FSTL5: variants seen among roughly 807,000 people sequenced by gnomAD.
FSTL5 encodes follistatin-related protein 5.
Under a neutral mutation model 89.1 loss-of-function variants are expected in FSTL5, and 62 were observed. The observed-to-expected ratio is 0.70, with a 90% CI of 0.57 to 0.86. The LOEUF is 0.86. FSTL5 is among the 40% of genes least tolerant of loss of function. The probability of loss-of-function intolerance (pLI) is 0.00; values close to 1 mark genes in which losing one functional copy is unlikely to be tolerated. For synonymous variants in FSTL5, 383 were observed against 346.2 expected (o/e 1.11, Z -1.18); for missense variants, 1,057 against 1,001.6 (o/e 1.06, Z -0.75).
chr4:161,647,634 CATATT>C (rs1182282955), intron 7 of FSTL5, among the ~76,000 whole-genome samples: 2 of 151,800 alleles, frequency 1.3e-5, no homozygotes, highest in Non-Finnish European at 2.9e-5. Flanking sequence ...TGATAGTTGA[CATATT>C]GTATTGTGCA....
chr4:161,799,723 C>T (rs961732124), intron 4 of FSTL5, among the ~76,000 whole-genome samples: 1 of 151,634 alleles, frequency 6.6e-6, no homozygotes, highest in African/African-American at 2.4e-5. Context: ...ACAACGGCTA[C>T]ATTTTCTTTC....
chr4:161,768,753 C>A (rs1741106164), intron 5 of FSTL5, among the ~76,000 whole-genome samples: 1 of 150,976 alleles, frequency 6.6e-6, no homozygotes, highest in South Asian at 2.1e-4. Context: ...AATAAACAAC[C>A]TAATAAAGAA....
At chr4:161,990,180 ACT>A in intron 3 of FSTL5, among the ~76,000 whole-genome samples, 1 of 152,188 alleles carries the variant, frequency 6.6e-6, no homozygotes, top group Middle Eastern at 3.4e-3. Context: ...TGAATAGCCC[ACT>A]CTGTTTTAGA....
chr4:161,902,585 C>T (rs941592883), intron 4 of FSTL5, among the ~76,000 whole-genome samples: 4 of 152,080 alleles, frequency 2.6e-5, no homozygotes, highest in South Asian at 2.1e-4. Context: ...CGGTGGCTCA[C>T]GCCTGTAATC....
intron 2 of FSTL5, among the ~76,000 whole-genome samples, chr4:162,095,570 C>A (rs886685930): frequency 6.6e-6 from 1 of 151,888 alleles, no homozygotes; most frequent in Non-Finnish European, 1.5e-5. Context: ...TCTTGAGGAA[C>A]GGTTTTTCAA....
chr4:161,757,218 A>G (rs992509959), intron 6 of FSTL5, among the ~76,000 whole-genome samples: 10 of 152,178 alleles, frequency 6.6e-5, no homozygotes, highest in Non-Finnish European at 1.3e-4. Context: ...AGATTAATTT[A>G]GTTATTTAAT....
At chr4:161,902,321 C>A (rs868029105) in intron 4 of FSTL5, among the ~76,000 whole-genome samples, 4 of 151,994 alleles carry the variant, frequency 2.6e-5, no homozygotes, top group Non-Finnish European at 5.9e-5. Context: ...TAGTAATAAG[C>A]CTTATCCAAA....
rs1256518193 is a variant in FSTL5 at position 161,527,810 on chromosome 4, A to G, written c.1312+10356T>C. On this transcript the variant is annotated intron_variant, in intron 10 of 15. Transcript: ENST00000306100. ...CCATTACTGGGTATATACCCAAAGG[A>G]TTATAAATCATGCTGCTATAAAGAC... Among the ~76,000 whole-genome samples the G allele has an allele frequency of 1.3e-5, 2 of 151,466 alleles. 1 individual carries two copies. Among genetic ancestry groups the G allele is most frequent in the African/African-American group, 4.9e-5 (2 of 40,844 alleles).
chr4:161,899,932 C>T (rs1733297480), intron 4 of FSTL5, among the ~76,000 whole-genome samples: 1 of 152,156 alleles, frequency 6.6e-6, no homozygotes, highest in Admixed American at 6.5e-5. Context: ...TGGTGGCTCA[C>T]TCCTGTAATA....
chr4:161,743,674 T>C (rs1210705852), intron 6 of FSTL5, among the ~76,000 whole-genome samples: 2 of 152,196 alleles, frequency 1.3e-5, no homozygotes, highest in Non-Finnish European at 2.9e-5. Context: ...CTTGCAGATA[T>C]ATTTTAAATC....
chr4:162,005,711 A>T (rs1285071136), intron 3 of FSTL5, among the ~76,000 whole-genome samples: 2 of 152,090 alleles, frequency 1.3e-5, no homozygotes, highest in Non-Finnish European at 2.9e-5. Context: ...GACATTGGTG[A>T]TGTGTCAAGC....
chr4:161,489,069 T>A (rs866698889), intron 12 of FSTL5, among the ~76,000 whole-genome samples: 1 of 152,194 alleles, frequency 6.6e-6, no homozygotes, highest in Non-Finnish European at 1.5e-5. Flanking sequence ...TGTAAAATGT[T>A]ATAGTGGTTT....
intron 9 of FSTL5, among the ~76,000 whole-genome samples, chr4:161,541,098 A>T (rs189843571): frequency 6.6e-6 from 1 of 152,252 alleles, no homozygotes; most frequent in East Asian, 1.9e-4. Flanking sequence ...ACACACAAAC[A>T]CTAAAGAAGC....
chr4:161,942,773 T>C (rs1734623450), intron 3 of FSTL5, among the ~76,000 whole-genome samples: 1 of 152,096 alleles, frequency 6.6e-6, no homozygotes, highest in Admixed American at 6.6e-5. Flanking sequence ...ACCTAAGACA[T>C]TGGTGTCCAT....
chr4:161,851,344 G>T (rs761207029), intron 4 of FSTL5, among the ~76,000 whole-genome samples: 2 of 152,032 alleles, frequency 1.3e-5, no homozygotes, highest in African/African-American at 2.4e-5. Flanking sequence ...TTCAGAGTTT[G>T]TGTTATTATA....
intron 3 of FSTL5, among the ~76,000 whole-genome samples, chr4:161,966,220 T>C (rs767363980): frequency 3.9e-5 from 6 of 152,106 alleles, no homozygotes; most frequent in Non-Finnish European, 8.8e-5. Context: ...TAAATTTCAG[T>C]TCATACTGAA....
At chr4:161,938,504 A>G (rs1013045934) in intron 3 of FSTL5, among the ~76,000 whole-genome samples, 1 of 152,048 alleles carries the variant, frequency 6.6e-6, no homozygotes, top group African/African-American at 2.4e-5. Flanking sequence ...TGGGCAGAGA[A>G]TTGTTTCTAT....
At chr4:161,514,617 AT>A (rs1365828163) in intron 10 of FSTL5, among the ~76,000 whole-genome samples, 1 of 152,144 alleles carries the variant, frequency 6.6e-6, no homozygotes, top group Non-Finnish European at 1.5e-5. Context: ...TAAAAGTGAA[AT>A]TTTTTAAATA....
At chr4:161,808,201 T>C (rs551635383) in intron 4 of FSTL5, among the ~76,000 whole-genome samples, 53 of 152,160 alleles carry the variant, frequency 3.5e-4, no homozygotes, top group African/African-American at 1.2e-3. Context: ...ACAGGATACA[T>C]AGATGATTGA....
Sources: allele counts gnomAD v4.1 joint callset (sites outside exome capture counted in the v4.1 genomes callset), GRCh38; gene constraint gnomAD v4.1.1; transcripts MANE v1.5; gene names NCBI Gene and HGNC (gene_info 2026-07-23, HGNC 2026-07-21).